GALNT13: variants seen among roughly 807,000 people sequenced by gnomAD.
GALNT13 encodes UDP-GalNAc:polypeptide N-acetylgalactosaminyltransferase 13.
GALNT13 carries 28 observed loss-of-function variants against 64.2 expected under a neutral mutation model. The observed-to-expected ratio is 0.44, with a 90% CI of 0.32 to 0.60. GALNT13 has a LOEUF of 0.60. Ranked by LOEUF, GALNT13 falls within the 20% of genes least tolerant of loss-of-function variation. The probability of loss-of-function intolerance (pLI) is 0.05; values close to 1 mark genes in which losing one functional copy is unlikely to be tolerated. For synonymous variants in GALNT13, 214 were observed against 224.6 expected, an observed-to-expected ratio of 0.95 and a Z score of 0.42; for missense variants, 577 against 669.8, an observed-to-expected ratio of 0.86 and a Z score of 1.53.
At chr2:153,600,153 A>T in the GALNT13 span, among the ~76,000 whole-genome samples, 1 of 152,038 alleles carries the variant, frequency 6.6e-6, no homozygotes, top group Non-Finnish European at 1.5e-5. Context: ...GAGGTGTGTC[A>T]TCCATTTGCT....
chr2:154,382,911 A>G (rs1698341819), intron 9 of GALNT13, among the ~76,000 whole-genome samples: 1 of 151,864 alleles, frequency 6.6e-6, no homozygotes, highest in South Asian at 2.1e-4. Flanking sequence ...TCACCCTGGT[A>G]CAGAAATGTA....
the GALNT13 span, among the ~76,000 whole-genome samples, chr2:153,836,079 C>T: frequency 3.4e-3 from 517 of 152,016 alleles, 8 homozygotes; most frequent in African/African-American, 0.012. Flanking sequence ...GACTTTCAAT[C>T]CCAAATTGGC....
chr2:153,385,064 G>C, the GALNT13 span, among the ~76,000 whole-genome samples: 2 of 151,920 alleles, frequency 1.3e-5, no homozygotes, highest in Admixed American at 6.6e-5. Flanking sequence ...AGAGAAAAAG[G>C]AACCCTCATA....
chr2:153,592,454 T>C, the GALNT13 span, among the ~76,000 whole-genome samples: 2 of 152,200 alleles, frequency 1.3e-5, no homozygotes, highest in African/African-American at 4.8e-5. Context: ...TAAGTGTCTA[T>C]CATTGTATGA....
chr2:154,326,052 C>T (rs6711349), intron 9 of GALNT13, among the ~76,000 whole-genome samples: 3 of 152,110 alleles, frequency 2.0e-5, no homozygotes, highest in Non-Finnish European at 2.9e-5. Flanking sequence ...ATCATCTGTG[C>T]TTATTAGTCA....
chr2:153,534,489 T>A, the GALNT13 span, among the ~76,000 whole-genome samples: 1 of 150,764 alleles, frequency 6.6e-6, no homozygotes, highest in Non-Finnish European at 1.5e-5. Context: ...TAGGTTCTGA[T>A]AAAATGCTAG....
chr2:154,305,531 T>G (rs953128652), intron 9 of GALNT13, among the ~76,000 whole-genome samples: 4 of 152,208 alleles, frequency 2.6e-5, no homozygotes, highest in Non-Finnish European at 4.4e-5. Context: ...TGTTAATTTT[T>G]CCAATATGTT....
intron 3 of GALNT13, among the ~76,000 whole-genome samples, chr2:154,037,067 G>A (rs1411919421): frequency 6.6e-6 from 1 of 151,976 alleles, no homozygotes; most frequent in African/African-American, 2.4e-5. Context: ...AAGTATGGTA[G>A]GAAAGTTATT....
chr2:153,447,561 C>T, the GALNT13 span, among the ~76,000 whole-genome samples: 2 of 152,152 alleles, frequency 1.3e-5, no homozygotes, highest in Non-Finnish European at 2.9e-5. Flanking sequence ...CCTGTCTTTC[C>T]TGTAGTATTA....
the GALNT13 span, among the ~76,000 whole-genome samples, chr2:153,386,281 T>C: frequency 6.6e-6 from 1 of 152,080 alleles, no homozygotes; most frequent in Non-Finnish European, 1.5e-5. Context: ...GGCTTTCTCT[T>C]TGCAGTTAAG....
chr2:154,129,232 G>A (rs1399441873), intron 3 of GALNT13, among the ~76,000 whole-genome samples: 2 of 152,122 alleles, frequency 1.3e-5, no homozygotes, highest in African/African-American at 4.8e-5. Context: ...TACACGCATA[G>A]ATACAGTACC....
At chr2:154,149,828 C>A (rs1189290358) in intron 4 of GALNT13, among the ~76,000 whole-genome samples, 2 of 152,152 alleles carry the variant, frequency 1.3e-5, no homozygotes, top group African/African-American at 2.4e-5. Flanking sequence ...AGATTTTGGG[C>A]TGAAACAATA....
intron 3 of GALNT13, among the ~76,000 whole-genome samples, chr2:154,077,573 T>A (rs1701053810): frequency 1.3e-5 from 2 of 151,502 alleles, no homozygotes; most frequent in African/African-American, 4.8e-5. Flanking sequence ...TAATATTGAA[T>A]GGTTGTAAGG....
chr2:153,649,402 T>A, the GALNT13 span, among the ~76,000 whole-genome samples: 3 of 151,834 alleles, frequency 2.0e-5, no homozygotes, highest in Admixed American at 6.6e-5. Flanking sequence ...TTGTTGATCT[T>A]TTCAAAAAAC....
intron 2 of GALNT13, among the ~76,000 whole-genome samples, chr2:153,928,834 T>C (rs1191091308): frequency 2.0e-5 from 3 of 152,160 alleles, no homozygotes. Flanking sequence ...ATCCCTAAAT[T>C]CAAGCATGGC....
chr2:153,304,626 T>G, the GALNT13 span, among the ~76,000 whole-genome samples: 1 of 152,116 alleles, frequency 6.6e-6, no homozygotes, highest in South Asian at 2.1e-4. Context: ...TAATTTTCCC[T>G]CCCCATAATT....
the GALNT13 span, among the ~76,000 whole-genome samples, chr2:153,440,364 G>A: frequency 2.0e-5 from 3 of 152,154 alleles, no homozygotes; most frequent in Non-Finnish European, 4.4e-5. Flanking sequence ...TGGGCATTTG[G>A]GTTGGTTTGA....
chr2:154,059,730 GT>G (rs11319362), intron 3 of GALNT13, among the ~76,000 whole-genome samples: 114,846 of 152,000 alleles, frequency 0.76, 43,757 homozygotes, highest in East Asian at 0.96. Context: ...TTTCCAGTAT[GT>G]TAAATACATT....
chr2:153,913,331 G>C (rs961627225), intron 2 of GALNT13, among the ~76,000 whole-genome samples: 1 of 152,166 alleles, frequency 6.6e-6, no homozygotes, highest in African/African-American at 2.4e-5. Flanking sequence ...CAGTGGTATA[G>C]CAGGGTGCGT....
Sources: gnomAD v4.1 joint callset for allele counts (sites outside exome capture counted in the v4.1 genomes callset) on GRCh38, gnomAD v4.1.1 for gene constraint, MANE v1.5 for transcripts, NCBI Gene and HGNC (gene_info 2026-07-23, HGNC 2026-07-21) for gene names.